The following DNAJC10 variants were observed in gnomAD, a reference collection of about 807,000 sequenced individuals.
The protein encoded by DNAJC10 is DnaJ heat shock protein family (Hsp40) member C10.
In DNAJC10, 101 loss-of-function variants were observed where a neutral mutation model predicts 115.0. That is an observed-to-expected ratio of 0.88 (90% CI 0.75 to 1.04). DNAJC10 has a LOEUF of 1.04. Among genes scored for constraint, DNAJC10 ranks in the 50% least tolerant of loss-of-function variants. DNAJC10 has a pLI of 0.00. For synonymous variants in DNAJC10, 307 were observed against 301.5 expected, an observed-to-expected ratio of 1.02 and a Z score of -0.19; for missense variants, 981 against 928.8, an observed-to-expected ratio of 1.06 and a Z score of -0.73.
At position 182,751,793 on chromosome 2, in the gene DNAJC10, A is replaced by G; in HGVS notation, c.1434+8A>G. 1 of 1,610,146 alleles carries G rather than the reference A, an allele frequency of 6.2e-7. No homozygotes were observed. ...GTTGATTTCTTTGCCCCCGTAAGTT[A>G]TTTTTATCTGTCAGATTCTAACATT... On this transcript the variant is annotated splice_region_variant and intron_variant, in intron 15 of 23. Coordinates refer to ENST00000264065, the MANE Select transcript of DNAJC10 (RefSeq NM_018981.4).
At chr2:182,721,838 G>A (rs1169392203) in intron 4 of DNAJC10, among the ~76,000 whole-genome samples, 187 bp from the exon 5 acceptor site, 1 of 151,956 alleles carries the variant, frequency 6.6e-6, no homozygotes, top group East Asian at 1.9e-4. Flanking sequence ...AATATCTTTA[G>A]ATCACCCTAA....
intron 16 of DNAJC10, chr2:182,752,469 A>G (rs1039525068): frequency 3.8e-5 from 16 of 416,850 alleles, no homozygotes; most frequent in African/African-American, 2.7e-4. Flanking sequence ...TGATTTTCCA[A>G]TTATTGAAGA....
chr2:182,775,527 A>G, intron 23 of DNAJC10, 107 bp downstream of exon 23: 1 of 604,880 alleles, frequency 1.7e-6, no homozygotes, highest in Non-Finnish European at 3.0e-6. Context: ...TGAGGCATCA[A>G]AAAATAGTAA....
Position 182,787,454 on chromosome 2 carries a change from C to T in DNAJC10, c.*10322C>T, listed in dbSNP as rs1424184955. ...ACAAACCCGTAATGTACTACCAAAC[C>T]GTTCATTCATTATGACAAAACTGCC... On this transcript the variant is annotated 3_prime_UTR_variant, in exon 24 of 24. Coordinates refer to ENST00000264065, the MANE Select transcript of DNAJC10 (RefSeq NM_018981.4). 4 of 152,204 alleles carry T rather than the reference C, an allele frequency of 2.6e-5. No homozygotes were observed. The highest frequency in any genetic ancestry group is 1.5e-5 in the Non-Finnish European group (1 of 68,046). 9.4% of individuals were successfully genotyped at this position (152,204 alleles called of 1,614,324 possible). A position where few individuals can be genotyped will look rare whatever the true frequency, so the allele number is the denominator to read the frequency against.
At chr2:182,733,121 A>G (rs1002064583) in intron 10 of DNAJC10, among the ~76,000 whole-genome samples, 3 of 152,014 alleles carry the variant, frequency 2.0e-5, no homozygotes, top group Non-Finnish European at 2.9e-5. Context: ...TACATGATCT[A>G]TAATTTCTAA....
rs1468108869 is a variant in DNAJC10 at position 182,785,759 on chromosome 2, G to A, written c.*8627G>A. ...TGCATCTTGATTTGAACAGACTATTGTATACATTTATATATACATAGATCT... is the reference window on the plus strand; with the variant it reads ...TGCATCTTGATTTGAACAGACTATTATATACATTTATATATACATAGATCT... On this transcript the variant is annotated 3_prime_UTR_variant, in exon 24 of 24. Transcript: ENST00000264065. 6.6e-6 allele frequency: 1 copy of A among 151,934 alleles called. No individual in the cohort carries two copies. Among genetic ancestry groups the A allele is most frequent in the East Asian group, 1.9e-4 (1 of 5,176 alleles). The allele number at this position is 151,934 out of a possible 1,614,324, so 9.4% of individuals were successfully genotyped here.
chr2:182,733,874 C>A (rs146049998), intron 10 of DNAJC10, among the ~76,000 whole-genome samples: 216 of 151,300 alleles, frequency 1.4e-3, no homozygotes, highest in African/African-American at 5.0e-3. Context: ...TCTAAGACTT[C>A]GTTCTTTGAA....
chr2:182,757,968 A>G, intron 19 of DNAJC10, 143 bp downstream of exon 19: 1 of 547,292 alleles, frequency 1.8e-6, no homozygotes, highest in Non-Finnish European at 3.1e-6. Context: ...GTTAATGAAC[A>G]TTTCAGAAGA....
intron 21 of DNAJC10, 51 bp from the exon 22 acceptor site, chr2:182,762,631 A>G: frequency 6.3e-7 from 1 of 1,597,576 alleles, no homozygotes; most frequent in Non-Finnish European, 8.6e-7. Context: ...TGTTGTTGCC[A>G]AAATAGTTTA....
chr2:182,774,667 G>T (rs1694656035), intron 22 of DNAJC10, among the ~76,000 whole-genome samples: 1 of 152,260 alleles, frequency 6.6e-6, no homozygotes, highest in African/African-American at 2.4e-5. Context: ...AGGCCCAGGA[G>T]AGAATCTCCT....
intron 12 of DNAJC10, 96 bp downstream of exon 12, chr2:182,740,484 GA>G: frequency 1.7e-6 from 2 of 1,204,518 alleles, no homozygotes; most frequent in Non-Finnish European, 2.2e-6. Context: ...TTCATCTCTA[GA>G]GAGAATTGAA....
In DNAJC10 at chr2:182,779,870, G is replaced by A. The variant is rs1694804052; in HGVS notation, c.*2738G>A. ...AGTACGATAAAATTTTTAGTAAAAG[G>A]GTAGCACTTTTAAGTCATTTGAATA... On this transcript the variant is annotated 3_prime_UTR_variant, in exon 24 of 24. Transcript: ENST00000264065. 1 of 152,010 alleles carries A rather than the reference G, an allele frequency of 6.6e-6. No homozygotes were observed. Among genetic ancestry groups the A allele is most frequent in the Admixed American group, 6.6e-5 (1 of 15,258 alleles). 9.4% of individuals were successfully genotyped at this position (152,010 alleles called of 1,614,324 possible).
intron 10 of DNAJC10, among the ~76,000 whole-genome samples, chr2:182,733,448 A>G (rs1041974834): frequency 6.6e-6 from 1 of 151,992 alleles, no homozygotes; most frequent in Non-Finnish European, 1.5e-5. Flanking sequence ...AAAAAAACAA[A>G]ACCATGTCCC....
At chr2:182,748,021 C>T (rs1288163783) in intron 14 of DNAJC10, among the ~76,000 whole-genome samples, 1 of 134,880 alleles carries the variant, frequency 7.4e-6, no homozygotes, top group African/African-American at 2.7e-5. Context: ...TGTTTATATG[C>T]TGGATTACAT....
At chr2:182,723,395 A>G (rs1369925145) in intron 5 of DNAJC10, among the ~76,000 whole-genome samples, 1 of 152,192 alleles carries the variant, frequency 6.6e-6, no homozygotes, top group Non-Finnish European at 1.5e-5. Flanking sequence ...TGAGCTTCAC[A>G]TACAAAATAG....
chr2:182,731,145 G>A (rs374180445), intron 9 of DNAJC10, 38 bp downstream of exon 9: 78 of 1,500,798 alleles, frequency 5.2e-5, no homozygotes, highest in Non-Finnish European at 7.2e-5. Flanking sequence ...ATGAGAACAT[G>A]ACATTTAAAT....
At chr2:182,745,416 A>C (rs189371745) in intron 14 of DNAJC10, among the ~76,000 whole-genome samples, 203 of 152,338 alleles carry the variant, frequency 1.3e-3, no homozygotes, top group Non-Finnish European at 2.6e-3. Flanking sequence ...GTTCCACAGA[A>C]TATTTAGCAA....
chr2:182,777,418 A>G lies in DNAJC10; in HGVS notation c.*286A>G. The G allele has an allele frequency of 4.4e-6, 1 of 227,758 alleles. No individual in the cohort carries two copies. Among genetic ancestry groups the G allele is most frequent in the Non-Finnish European group, 8.6e-6 (1 of 116,728 alleles). The allele number at this position is 227,758 out of a possible 1,614,324, so 14.1% of individuals were successfully genotyped here. On this transcript the variant is annotated 3_prime_UTR_variant, in exon 24 of 24. Coordinates refer to ENST00000264065, the MANE Select transcript of DNAJC10 (RefSeq NM_018981.4). ...TATTCTTTGTTATTTGCTTTTAACA[A>G]CCTTTAAAAAATATTAAAACGATTC... is the stretch of plus-strand genomic sequence containing the variant.
At position 182,783,671 on chromosome 2, in the gene DNAJC10, T is replaced by C. The variant is rs1694894944; in HGVS notation, c.*6539T>C. On this transcript the variant is annotated 3_prime_UTR_variant, in exon 24 of 24. Transcript: ENST00000264065. ...TCTTGTTTTATATTTTAAATATACT[T>C]TCTATTTTGTGACAGGAGTGAAAAA... 1 of 152,162 alleles carries C rather than the reference T, an allele frequency of 6.6e-6. No homozygotes were observed. Among genetic ancestry groups the C allele is most frequent in the South Asian group, 2.1e-4 (1 of 4,832 alleles). The allele number at this position is 152,162 out of a possible 1,614,324, so 9.4% of individuals were successfully genotyped here.
Sources: allele counts gnomAD v4.1 joint callset (sites outside exome capture counted in the v4.1 genomes callset), GRCh38; gene constraint gnomAD v4.1.1; transcripts MANE v1.5; gene names NCBI Gene and HGNC (gene_info 2026-07-23, HGNC 2026-07-21).